The following FAM117B variants were observed in gnomAD, a reference collection of about 807,000 sequenced individuals.
The protein encoded by FAM117B is protein FAM117B.
Under a neutral mutation model 52.8 loss-of-function variants are expected in FAM117B, and 22 were observed. That is an observed-to-expected ratio of 0.42 (90% CI 0.30 to 0.59). FAM117B has a LOEUF of 0.59. Among genes scored for constraint, FAM117B ranks in the 20% least tolerant of loss-of-function variants. FAM117B has a pLI of 0.22. For missense variants in FAM117B, 678 were observed against 802.6 expected, an observed-to-expected ratio of 0.84 and a Z score of 1.88; for synonymous variants, 309 against 324.1, an observed-to-expected ratio of 0.95 and a Z score of 0.50.
At chr2:202,721,688 C>CA (rs1386778958) in intron 2 of FAM117B, among the ~76,000 whole-genome samples, 23 of 152,196 alleles carry the variant, frequency 1.5e-4, no homozygotes, top group African/African-American at 5.3e-4. Context: ...GGCTGGAGTG[C>CA]AGTGGAGCAA....
chr2:202,641,201 G>C (rs1028719468), intron 1 of FAM117B, among the ~76,000 whole-genome samples: 2 of 152,184 alleles, frequency 1.3e-5, no homozygotes, highest in Non-Finnish European at 2.9e-5. Context: ...GGGTATAGAG[G>C]TTCCCTCAGA....
chr2:202,765,775 A>G lies in FAM117B; in HGVS notation c.*11A>G. 6 of 1,610,704 alleles carry G rather than the reference A, an allele frequency of 3.7e-6. No individual in the cohort carries two copies. The highest frequency in any genetic ancestry group is 5.1e-6 in the Non-Finnish European group (6 of 1,177,704). On this transcript the variant is annotated 3_prime_UTR_variant, in exon 8 of 8. Transcript: ENST00000392238. ...GAAGCTGAAGGATAGGTCACAGTGC[A>G]ACGTGGCTGTTGTTCTGGGAAATTG...
chr2:202,730,308 C>T (rs1354048757), intron 4 of FAM117B, among the ~76,000 whole-genome samples: 1 of 152,070 alleles, frequency 6.6e-6, no homozygotes, highest in Non-Finnish European at 1.5e-5. Context: ...TCTGTGCTAG[C>T]TGATGGTTGA....
intron 4 of FAM117B, among the ~76,000 whole-genome samples, chr2:202,739,653 C>T (rs893107067): frequency 2.6e-5 from 4 of 152,016 alleles, no homozygotes; most frequent in Non-Finnish European, 5.9e-5. Flanking sequence ...GACTGGGTCT[C>T]CCTGTGTTGC....
chr2:202,687,944 T>C (rs931187494), intron 1 of FAM117B, among the ~76,000 whole-genome samples: 1 of 151,914 alleles, frequency 6.6e-6, no homozygotes, highest in Admixed American at 6.6e-5. Flanking sequence ...AGTGGAGAAA[T>C]TAACTGAAAA....
chr2:202,663,115 A>C (rs1690155073), intron 1 of FAM117B, among the ~76,000 whole-genome samples: 1 of 152,238 alleles, frequency 6.6e-6, no homozygotes, highest in Non-Finnish European at 1.5e-5. Flanking sequence ...TTTCCATATC[A>C]ATAGGTACAC....
At chr2:202,655,182 A>G (rs1252058834) in intron 1 of FAM117B, among the ~76,000 whole-genome samples, 1 of 152,110 alleles carries the variant, frequency 6.6e-6, no homozygotes, top group Admixed American at 6.6e-5. Flanking sequence ...AGATTCATTC[A>G]TGTTATTGCA....
chr2:202,675,354 G>C (rs1484814632), intron 1 of FAM117B, among the ~76,000 whole-genome samples: 1 of 150,128 alleles, frequency 6.7e-6, no homozygotes, highest in Non-Finnish European at 1.5e-5. Context: ...GCTGAGGAGG[G>C]AGGATCACTT....
intron 2 of FAM117B, among the ~76,000 whole-genome samples, chr2:202,700,620 A>G (rs1690782739): frequency 6.6e-6 from 1 of 152,186 alleles, no homozygotes; most frequent in Admixed American, 6.5e-5. Flanking sequence ...TGATATAGAA[A>G]CTGTAGTAAG....
intron 6 of FAM117B, among the ~76,000 whole-genome samples, 174 bp downstream of exon 6, chr2:202,757,612 T>C (rs1691824297): frequency 2.0e-5 from 3 of 152,258 alleles, no homozygotes. Context: ...GCTCAGTTGA[T>C]GGTCTAGTTG....
intron 1 of FAM117B, among the ~76,000 whole-genome samples, chr2:202,645,179 A>T (rs992737873): frequency 9.9e-5 from 15 of 151,430 alleles, no homozygotes; most frequent in African/African-American, 3.6e-4. Context: ...GTCTCGCTGT[A>T]TTGCCCAGGC....
At chr2:202,720,717 A>G (rs1399699706) in intron 2 of FAM117B, among the ~76,000 whole-genome samples, 1 of 152,074 alleles carries the variant, frequency 6.6e-6, no homozygotes, top group Non-Finnish European at 1.5e-5. Flanking sequence ...TTCTTAATTT[A>G]GAACAGGTCA....
intron 1 of FAM117B, among the ~76,000 whole-genome samples, chr2:202,646,591 C>T (rs971401547): frequency 2.0e-5 from 3 of 152,128 alleles, no homozygotes; most frequent in African/African-American, 7.2e-5. Flanking sequence ...GGCATCGTTT[C>T]CATTTCTCAG....
intron 1 of FAM117B, among the ~76,000 whole-genome samples, chr2:202,661,668 C>G (rs891973696): frequency 1.8e-4 from 28 of 152,154 alleles, no homozygotes; most frequent in Admixed American, 1.8e-3. Context: ...GCAATCCTAG[C>G]TCTTTAGAAG....
chr2:202,675,605 G>T (rs1413597245), intron 1 of FAM117B, among the ~76,000 whole-genome samples: 1 of 152,136 alleles, frequency 6.6e-6, no homozygotes, highest in Non-Finnish European at 1.5e-5. Flanking sequence ...ATGGCTCCCA[G>T]TTGTTCCCAC....
At chr2:202,746,387 TA>T (rs1204571108) in intron 4 of FAM117B, among the ~76,000 whole-genome samples, 3 of 150,728 alleles carry the variant, frequency 2.0e-5, no homozygotes, top group East Asian at 1.9e-4. Flanking sequence ...ATAAAGGAAA[TA>T]AAAAAAAATT....
rs1398513491 is a variant in FAM117B at position 202,655,707 on chromosome 2, T to TGAGAGACAGAGAGAGA, written c.601+19925_601+19926insCAGAGAGAGAGAGAGA. ...GCCTGGAGTGGGTGCGGGAAGAGAG[T>TGAGAGACAGAGAGAGA]GAGAGAGAGAGAGAGAGAGAGAGAG... On this transcript the variant is annotated intron_variant, in intron 1 of 7. Coordinates refer to ENST00000392238, the MANE Select transcript of FAM117B (RefSeq NM_173511.4). Among the ~76,000 whole-genome samples the TGAGAGACAGAGAGAGA allele has an allele frequency of 4.6e-4, 45 of 98,886 alleles. 3 individuals are homozygous for TGAGAGACAGAGAGAGA. The highest frequency in any genetic ancestry group is 4.1e-4 in the African/African-American group (12 of 28,926). The allele number at this position is 98,886 out of a possible 152,430, so 64.9% of individuals were successfully genotyped here.
chr2:202,649,403 T>TTG (rs1193343773), intron 1 of FAM117B, among the ~76,000 whole-genome samples: 1 of 152,224 alleles, frequency 6.6e-6, no homozygotes, highest in Non-Finnish European at 1.5e-5. Flanking sequence ...TGATGGTGTG[T>TTG]TGTCTAATAT....
intron 4 of FAM117B, among the ~76,000 whole-genome samples, chr2:202,743,467 A>G (rs11680734): frequency 0.46 from 69,325 of 152,032 alleles, 17,249 homozygotes; most frequent in Middle Eastern, 0.62. Context: ...TATTAATATA[A>G]GGATACAAGA....
Sources: gnomAD v4.1 joint callset for allele counts (sites outside exome capture counted in the v4.1 genomes callset) on GRCh38, gnomAD v4.1.1 for gene constraint, MANE v1.5 for transcripts, NCBI Gene and HGNC (gene_info 2026-07-23, HGNC 2026-07-21) for gene names.